The following PRKG1 variants were observed in gnomAD, a reference collection of about 807,000 sequenced individuals.
PRKG1 encodes protein kinase cGMP-dependent 1, also known as cGMP-dependent protein kinase 1.
In PRKG1, 35 loss-of-function variants were observed where a neutral mutation model predicts 88.1. That is an observed-to-expected ratio of 0.40 (90% CI 0.30 to 0.53). PRKG1 has a LOEUF of 0.53. Among genes scored for constraint, PRKG1 ranks in the 20% least tolerant of loss-of-function variants. The pLI is 0.59. For missense variants in PRKG1, 540 were observed against 839.8 expected, an observed-to-expected ratio of 0.64 and a Z score of 4.41; for synonymous variants, 303 against 292.5, an observed-to-expected ratio of 1.04 and a Z score of -0.37.
intron 5 of PRKG1, among the ~76,000 whole-genome samples, chr10:51,944,183 G>T (rs900078293): frequency 3.3e-5 from 5 of 152,058 alleles, no homozygotes; most frequent in Non-Finnish European, 7.3e-5. Flanking sequence ...TTAGTCTTGG[G>T]AGGGTGTAGG....
chr10:51,103,050 T>C (rs1190427015), intron 1 of PRKG1, among the ~76,000 whole-genome samples: 3 of 151,990 alleles, frequency 2.0e-5, no homozygotes, highest in Admixed American at 2.0e-4. Flanking sequence ...ATGAAAAATA[T>C]TATAGCAGAG....
chr10:52,290,361 T>C, intron 17 of PRKG1, 71 bp downstream of exon 17: 2 of 1,318,084 alleles, frequency 1.5e-6, no homozygotes, highest in South Asian at 2.6e-5. Flanking sequence ...CAATGATCTG[T>C]TATTTTTAAA....
rs572027365 is a variant in PRKG1, at chr10:51,307,210, C to T, written c.478+153880C>T. Among the ~76,000 whole-genome samples the T allele has an allele frequency of 2.6e-5, 4 of 152,264 alleles. No homozygotes were observed. In the East Asian group the frequency reaches 7.7e-4, roughly 29 times the overall value. On this transcript the variant is annotated intron_variant, in intron 2 of 17. Transcript: ENST00000373980. ...TTATGCACATGCATACACACAATCCCTTTATACCTCCTGTTTTCCAGGTAA... is the reference window on the plus strand; with the variant it reads ...TTATGCACATGCATACACACAATCCTTTTATACCTCCTGTTTTCCAGGTAA...
intron 9 of PRKG1, chr10:52,185,002 C>G (rs1227656850): frequency 6.6e-6 from 1 of 152,150 alleles, no homozygotes; most frequent in Non-Finnish European, 1.5e-5. Flanking sequence ...GAACAAGCAT[C>G]CAAACTGTAT....
intron 1 of PRKG1, among the ~76,000 whole-genome samples, chr10:51,022,620 G>A (rs1374499627): frequency 6.6e-6 from 1 of 152,062 alleles, no homozygotes. Flanking sequence ...TGAGCTGCTT[G>A]AGATGAAAGA....
intron 4 of PRKG1, among the ~76,000 whole-genome samples, chr10:51,870,880 GT>G (rs1258670558): frequency 6.6e-6 from 1 of 152,100 alleles, no homozygotes; most frequent in African/African-American, 2.4e-5. Context: ...ATTTGTAACA[GT>G]TGCTCATGGG....
chr10:51,599,947 C>A (rs1029627527), intron 3 of PRKG1, among the ~76,000 whole-genome samples: 7 of 152,086 alleles, frequency 4.6e-5, no homozygotes, highest in African/African-American at 1.7e-4. Context: ...TTGTGTGCTT[C>A]TACTTGCATG....
chr10:51,116,776 G>A (rs1845132397), intron 1 of PRKG1, among the ~76,000 whole-genome samples: 1 of 152,126 alleles, frequency 6.6e-6, no homozygotes, highest in African/African-American at 2.4e-5. Flanking sequence ...GCTGGATCAA[G>A]ATGGTAAGAT....
intron 1 of PRKG1, among the ~76,000 whole-genome samples, chr10:51,128,677 C>G (rs890749791): frequency 6.6e-6 from 1 of 151,986 alleles, no homozygotes; most frequent in East Asian, 1.9e-4. Flanking sequence ...TGATAAAGAG[C>G]CTTTTGTAGA....
chr10:52,023,673 C>T (rs960834027), intron 5 of PRKG1, among the ~76,000 whole-genome samples: 61 of 152,246 alleles, frequency 4.0e-4, no homozygotes, highest in African/African-American at 1.4e-3. Context: ...CCAGTGATGG[C>T]GAGCATTTTT....
intron 4 of PRKG1, among the ~76,000 whole-genome samples, chr10:51,862,893 G>C (rs1589368700): frequency 6.6e-6 from 1 of 152,092 alleles, no homozygotes; most frequent in South Asian, 2.1e-4. Context: ...GCCTATGTAA[G>C]TGCTCAAATA....
At chr10:51,414,092 T>G (rs1838174389) in intron 2 of PRKG1, among the ~76,000 whole-genome samples, 1 of 152,176 alleles carries the variant, frequency 6.6e-6, no homozygotes. Flanking sequence ...ACAATACCCA[T>G]TTTTTAGAGC....
chr10:52,159,384 A>T (rs1335219093), intron 8 of PRKG1, among the ~76,000 whole-genome samples: 1 of 151,472 alleles, frequency 6.6e-6, no homozygotes, highest in East Asian at 1.9e-4. Flanking sequence ...TACTTCAAAT[A>T]CTACTTTTGT....
intron 1 of PRKG1, among the ~76,000 whole-genome samples, chr10:51,047,243 G>A (rs1293681900): frequency 6.6e-6 from 1 of 152,180 alleles, no homozygotes; most frequent in Non-Finnish European, 1.5e-5. Context: ...TAAAGAGCTA[G>A]ATTCCACCAG....
chr10:52,091,766 T>C (rs527651160), intron 7 of PRKG1, among the ~76,000 whole-genome samples: 1 of 152,296 alleles, frequency 6.6e-6, no homozygotes, highest in South Asian at 2.1e-4. Flanking sequence ...ACATTTGAGG[T>C]GTCCTCATTG....
chr10:51,948,562 G>GTA (rs1564723292), intron 5 of PRKG1, among the ~76,000 whole-genome samples: 9 of 149,094 alleles, frequency 6.0e-5, no homozygotes, highest in African/African-American at 2.0e-4. Flanking sequence ...GTGTGTGTGT[G>GTA]TAATTTGATA....
intron 5 of PRKG1, among the ~76,000 whole-genome samples, chr10:52,030,316 G>A (rs1200766928): frequency 6.6e-6 from 1 of 152,152 alleles, no homozygotes; most frequent in African/African-American, 2.4e-5. Flanking sequence ...GCTCAGATCA[G>A]CCGCTAACTT....
chr10:51,089,597 A>C (rs982679033), intron 1 of PRKG1, among the ~76,000 whole-genome samples: 5 of 152,150 alleles, frequency 3.3e-5, no homozygotes, highest in African/African-American at 1.2e-4. Context: ...CCTATAAAAA[A>C]CTTTTCACCT....
At chr10:51,983,079 G>T (rs74732852) in intron 5 of PRKG1, among the ~76,000 whole-genome samples, 245 of 152,216 alleles carry the variant, frequency 1.6e-3, no homozygotes, top group African/African-American at 5.4e-3. Context: ...GGCAGGGTTG[G>T]TAACTCAGGG....
Sources: gnomAD v4.1 joint callset for allele counts (sites outside exome capture counted in the v4.1 genomes callset) on GRCh38, gnomAD v4.1.1 for gene constraint, MANE v1.5 for transcripts, NCBI Gene and HGNC (gene_info 2026-07-23, HGNC 2026-07-21) for gene names.